The following OTOA variants were observed in gnomAD, a reference collection of about 807,000 sequenced individuals.
OTOA encodes cancer/testis antigen 108.
A neutral mutation model predicts 110.8 loss-of-function variants in OTOA; 70 were observed. The ratio of observed to expected loss-of-function variants is 0.63; its 90% confidence interval spans 0.52 to 0.77. The LOEUF is 0.77. OTOA is among the 30% of genes least tolerant of loss of function. The pLI, the probability that OTOA is intolerant of heterozygous loss-of-function variation, is 0.00. For missense variants in OTOA, 917 were observed against 1,075.8 expected, an observed-to-expected ratio of 0.85 and a Z score of 2.06; for synonymous variants, 373 against 431.5, an observed-to-expected ratio of 0.86 and a Z score of 1.68.
At chr16:21,758,181 T>C (rs1376334200) in intron 28 of OTOA, among the ~76,000 whole-genome samples, 1 of 151,900 alleles carries the variant, frequency 6.6e-6, no homozygotes, top group African/African-American at 2.4e-5. Flanking sequence ...CTTACAGCTC[T>C]CCCCATTTCC....
chr16:21,664,775 C>T (rs1413987928), intron 1 of OTOA, among the ~76,000 whole-genome samples: 2 of 151,740 alleles, frequency 1.3e-5, no homozygotes, highest in Admixed American at 1.3e-4. Context: ...AGTTCGAGAC[C>T]AGCCTGGCCA....
intron 1 of OTOA, among the ~76,000 whole-genome samples, chr16:21,669,001 C>T (rs911943333): frequency 2.0e-5 from 3 of 151,892 alleles, no homozygotes; most frequent in South Asian, 2.1e-4. Flanking sequence ...CTAATTTCTC[C>T]GTAAATTTAC....
At chr16:21,678,875 C>T (rs1371875894) in intron 2 of OTOA, 40 bp from the exon 3 acceptor site, 8 of 1,607,890 alleles carry the variant, frequency 5.0e-6, no homozygotes, top group Non-Finnish European at 6.8e-6. Flanking sequence ...GAAGGTCACA[C>T]AATTCAATTC....
chr16:21,736,691 T>A, intron 22 of OTOA, among the ~76,000 whole-genome samples: 1 of 151,670 alleles, frequency 6.6e-6, no homozygotes, highest in Non-Finnish European at 1.5e-5. Context: ...ATTAGCCGGG[T>A]GTGGTGGTGC....
rs749203602 is a variant in OTOA at position 21,726,545 on chromosome 16, C to T, written c.1903C>T (p.Pro635Ser). ...ALPARYLASV[P>S]ASQCVPFLIS... ...CAGGGCCCGCTACCTGGCTTCTGTC[C>T]CAGCCTCCCAGTGTGTGCCCTTTCT... Residue 635 changes from proline to serine, a missense_variant, in exon 19 of 29, where the codon CCA (proline) becomes TCA (serine). Physicochemically the swap from Pro to Ser is moderately conservative, Grantham distance 74. Coordinates refer to ENST00000646100, the MANE Select transcript of OTOA (RefSeq NM_144672.4). 1 of 1,613,962 alleles carries T rather than the reference C, an allele frequency of 6.2e-7. No homozygotes were observed. Among genetic ancestry groups the T allele is most frequent in the Non-Finnish European group, 8.5e-7 (1 of 1,180,012 alleles).
At chr16:21,679,531 A>G (rs1966873304) in intron 5 of OTOA, among the ~76,000 whole-genome samples, 1 of 151,950 alleles carries the variant, frequency 6.6e-6, no homozygotes, top group Non-Finnish European at 1.5e-5. Context: ...CAGCCTCCTG[A>G]GTAGCTGGGG....
chr16:21,731,824 T>A (rs771781913), intron 21 of OTOA, among the ~76,000 whole-genome samples: 16 of 152,210 alleles, frequency 1.1e-4, no homozygotes, highest in Non-Finnish European at 2.1e-4. Flanking sequence ...TGGTCACACA[T>A]GCTCAGCAGG....
At chr16:21,710,876 G>A (rs773494697) in intron 13 of OTOA, among the ~76,000 whole-genome samples, 1 of 152,166 alleles carries the variant, frequency 6.6e-6, no homozygotes, top group Non-Finnish European at 1.5e-5. Flanking sequence ...GGTGGTGCAT[G>A]CCTGTACTTC....
At chr16:21,685,129 T>C in intron 6 of OTOA, 101 bp from the exon 7 acceptor site, 3 of 1,501,384 alleles carry the variant, frequency 2.0e-6, no homozygotes, top group South Asian at 2.3e-5. Context: ...TTGTGGTCTC[T>C]GCAGGGAATG....
rs78375392 is a variant in OTOA at position 21,709,754 on chromosome 16, G to A, written c.1105-134G>A. 1.2e-4 allele frequency: 94 copies of A among 799,116 alleles called. No individual in the cohort carries two copies. The African/African-American group carries it at 1.2e-3, about 10-fold the overall frequency. The allele number at this position is 799,116 out of a possible 1,614,324, so 49.5% of individuals were successfully genotyped here. ...ATGGCAGGAGTCCCTTTCCTTCATC[G>A]TTTCTGAGCCCAAAAGCTTTGATGG... On this transcript the variant is annotated intron_variant, in intron 12 of 28. Coordinates refer to ENST00000646100, the MANE Select transcript of OTOA (RefSeq NM_144672.4).
intron 9 of OTOA, among the ~76,000 whole-genome samples, chr16:21,695,234 C>A (rs535094085): frequency 6.0e-4 from 87 of 145,298 alleles, no homozygotes; most frequent in Middle Eastern, 3.5e-3. Context: ...ACCCCCCCCC[C>A]CCATACAAAA....
In OTOA at chr16:21,728,316, G is replaced by A. The variant is rs1414247536; in HGVS notation, c.2092G>A (p.Asp698Asn). 18 of 1,614,022 alleles carry A rather than the reference G, an allele frequency of 1.1e-5. No homozygotes were observed. The highest frequency in any genetic ancestry group is 5.3e-5 in the African/African-American group (4 of 74,912). ...LLCHLPAAII[D>N]RGISPRAWAT... The stretch of plus-strand genomic sequence containing the variant: ...GTGTCACTTGCCGGCAGCCATCATC[G>A]ACAGGGGGATCTCCCCCAGGGCTTG... The change falls in exon 20 of 29, where the codon GAC becomes AAC. Residue 698 changes from aspartate (D) to asparagine (N), a missense_variant. Around this residue, in one of 6 missense-constraint regions of OTOA, gnomAD observed 840 missense variants for 910.2 expected, o/e 0.92. Transcript: ENST00000646100.
In OTOA at chr16:21,715,095, C is replaced by T. The variant is rs748012223; in HGVS notation, c.1431C>T (p.Ala477=). 9.9e-6 allele frequency: 16 copies of T among 1,614,220 alleles called. No individual in the cohort carries two copies. The highest frequency in any genetic ancestry group is 5.5e-5 in the South Asian group (5 of 91,086). ...ACATCTCGCAGGTCCTGAGAAGTGC[C>T]GTCTCCCAGTATGTATCCGACTTGT... ...RKDISQVLRS[A]VSQYVSDLSP... Residue 477 remains alanine (A), a synonymous_variant, in exon 14 of 29, where the codon GCC becomes GCT. Transcript: ENST00000646100.
intron 11 of OTOA, among the ~76,000 whole-genome samples, chr16:21,704,025 G>C (rs1253334872): frequency 1.3e-5 from 2 of 152,152 alleles, no homozygotes; most frequent in African/African-American, 4.8e-5. Context: ...ACTGTGTATA[G>C]CGGCCTCACA....
chr16:21,678,452 G>T, intron 1 of OTOA, 59 bp from the exon 2 acceptor site: 8 of 993,288 alleles, frequency 8.1e-6, no homozygotes, highest in Non-Finnish European at 1.1e-5. Context: ...ATGTGTGTGT[G>T]TGTATATATA....
chr16:21,719,621 A>C, intron 17 of OTOA, 117 bp downstream of exon 17: 1 of 1,007,400 alleles, frequency 9.9e-7, no homozygotes, highest in Admixed American at 1.7e-5. Flanking sequence ...GCAAGTGATG[A>C]CTTAGGGCCA....
intron 10 of OTOA, among the ~76,000 whole-genome samples, chr16:21,698,858 A>T (rs1015440971): frequency 2.6e-5 from 4 of 152,180 alleles, no homozygotes; most frequent in African/African-American, 9.7e-5. Flanking sequence ...GGAAATTTCT[A>T]AGGTCAAGCA....
At chr16:21,686,436 G>T (rs145434884) in intron 7 of OTOA, among the ~76,000 whole-genome samples, 1 of 151,896 alleles carries the variant, frequency 6.6e-6, no homozygotes, top group Non-Finnish European at 1.5e-5. Context: ...CTACAGGTGC[G>T]CATTAGCACA....
At chr16:21,673,253 T>C (rs1472712581) in intron 1 of OTOA, among the ~76,000 whole-genome samples, 1 of 152,212 alleles carries the variant, frequency 6.6e-6, no homozygotes, top group Non-Finnish European at 1.5e-5. Context: ...TTACATGTTA[T>C]GTAACAATAG....
Sources: allele counts gnomAD v4.1 joint callset (sites outside exome capture counted in the v4.1 genomes callset), GRCh38; gene constraint gnomAD v4.1.1; regional missense constraint gnomAD v4.1.1; transcripts MANE v1.5; gene names NCBI Gene and HGNC (gene_info 2026-07-23, HGNC 2026-07-21).